The following MYT1L variants were observed in gnomAD, a reference collection of about 807,000 sequenced individuals.
The protein encoded by MYT1L is myelin transcription factor 1-like protein.
In MYT1L, 12 loss-of-function variants were observed where a neutral mutation model predicts 126.7. The observed-to-expected ratio is 0.09, with a 90% CI of 0.06 to 0.15. The LOEUF (loss-of-function observed/expected upper bound fraction) is 0.15. Among genes scored for constraint, MYT1L ranks in the 10% least tolerant of loss-of-function variants. The pLI, the probability that MYT1L is intolerant of heterozygous loss-of-function variation, is 1.00. For missense variants in MYT1L, 979 were observed against 1,585.2 expected (o/e 0.62, Z 6.49); for synonymous variants, 541 against 604.2 (o/e 0.90, Z 1.53).
chr2:2,220,532 G>T (rs980038649), intron 2 of MYT1L, among the ~76,000 whole-genome samples: 1 of 152,076 alleles, frequency 6.6e-6, no homozygotes, highest in African/African-American at 2.4e-5. Flanking sequence ...CCTTTAAAAA[G>T]GTGCTAGACT....
chr2:1,839,325 C>T lies in MYT1L; in HGVS notation c.2904G>A (p.Lys968=), dbSNP rs760284404. 1 of 1,613,512 alleles carries T rather than the reference C, an allele frequency of 6.2e-7. No homozygotes were observed. Among genetic ancestry groups the T allele is most frequent in the South Asian group, 1.1e-5 (1 of 91,084 alleles). ...CGGAGGCGCTGCGATGGGACGCGTA[C>T]TTCCCAGTGATGTGGCCCTGGCCGT... ...GCDGQGHITG[K]YASHRSASGC... The change falls in exon 21 of 25, where the codon AAG becomes AAA. Residue 968 remains lysine (K), a synonymous_variant. Coordinates refer to ENST00000647738, the MANE Select transcript of MYT1L (RefSeq NM_001303052.2).
intron 2 of MYT1L, among the ~76,000 whole-genome samples, chr2:2,176,489 T>G (rs1176628977): frequency 6.6e-6 from 1 of 151,802 alleles, no homozygotes; most frequent in Non-Finnish European, 1.5e-5. Context: ...ATATCAATAT[T>G]TAGGACATAA....
At chr2:2,178,972 C>T (rs190920782) in intron 2 of MYT1L, among the ~76,000 whole-genome samples, 3 of 152,272 alleles carry the variant, frequency 2.0e-5, no homozygotes, top group Non-Finnish European at 4.4e-5. Flanking sequence ...CGGGAGAAGA[C>T]GTTTCCATGG....
intron 21 of MYT1L, among the ~76,000 whole-genome samples, chr2:1,824,000 C>G (rs1186020397): frequency 2.6e-5 from 2 of 76,970 alleles, no homozygotes; most frequent in Non-Finnish European, 4.8e-5. Context: ...GCCGCGCCTC[C>G]CCCCCCAGCG....
At chr2:2,097,831 C>G (rs368327758) in intron 3 of MYT1L, among the ~76,000 whole-genome samples, 105 of 152,184 alleles carry the variant, frequency 6.9e-4, no homozygotes, top group African/African-American at 2.2e-3. Flanking sequence ...AAATATGATT[C>G]CCAGGTGGAG....
intron 1 of MYT1L, chr2:2,306,078 CT>C (rs1486001979): frequency 6.6e-6 from 1 of 152,210 alleles, no homozygotes; most frequent in African/African-American, 2.4e-5. Context: ...TCAAAGGCTT[CT>C]TTCTTTGCCA....
At chr2:1,888,383 T>C (rs2048411257) in intron 16 of MYT1L, among the ~76,000 whole-genome samples, 1 of 152,244 alleles carries the variant, frequency 6.6e-6, no homozygotes, top group African/African-American at 2.4e-5. Context: ...TTTTTCACAA[T>C]GCCTGGATAT....
chr2:1,813,421 C>T (rs1462720756), intron 21 of MYT1L, among the ~76,000 whole-genome samples: 2 of 152,162 alleles, frequency 1.3e-5, no homozygotes, highest in Non-Finnish European at 2.9e-5. Flanking sequence ...CCCAGGAGAG[C>T]TTCCAGCAGC....
At chr2:1,921,165 C>T in intron 10 of MYT1L, among the ~76,000 whole-genome samples, 1 of 152,166 alleles carries the variant, frequency 6.6e-6, no homozygotes, top group African/African-American at 2.4e-5. Flanking sequence ...AGTGAGGAAA[C>T]TCAGGATTCG....
At chr2:1,913,512 G>A (rs1266901223) in intron 11 of MYT1L, among the ~76,000 whole-genome samples, 2 of 152,164 alleles carry the variant, frequency 1.3e-5, no homozygotes, top group African/African-American at 4.8e-5. Context: ...TCTCCAGGAA[G>A]CATGTGCGTG....
chr2:1,924,301 C>A (rs1310918528), intron 9 of MYT1L, among the ~76,000 whole-genome samples: 1 of 152,146 alleles, frequency 6.6e-6, no homozygotes, highest in Non-Finnish European at 1.5e-5. Context: ...TCATTGCTTC[C>A]ATGTACATTG....
chr2:2,038,691 GT>G (rs1443746811), intron 4 of MYT1L, among the ~76,000 whole-genome samples: 2 of 151,888 alleles, frequency 1.3e-5, no homozygotes, highest in African/African-American at 4.8e-5. Context: ...GTGGGTTCCA[GT>G]ACACTCTGGA....
intron 18 of MYT1L, among the ~76,000 whole-genome samples, chr2:1,880,345 T>G (rs779351524): frequency 2.6e-5 from 4 of 152,148 alleles, no homozygotes; most frequent in Non-Finnish European, 5.9e-5. Context: ...CTCTTTTTAT[T>G]TTTACTTTTC....
At chr2:2,211,811 A>AAAACAAACAAACAAACAAAC (rs2093522145) in intron 2 of MYT1L, among the ~76,000 whole-genome samples, 3 of 148,428 alleles carry the variant, frequency 2.0e-5, no homozygotes, top group African/African-American at 7.5e-5. Flanking sequence ...GTCAAAAAAA[A>AAAACAAACAAACAAACAAAC]AAAAAAAAAA....
Position 1,811,097 on chromosome 2 carries a change from C to T in MYT1L, c.3081-1930G>A, listed in dbSNP as rs1277711738. The T allele has an allele frequency of 1.3e-5, 2 of 152,134 alleles. No homozygotes were observed. Among genetic ancestry groups the T allele is most frequent in the Non-Finnish European group, 2.9e-5 (2 of 68,042 alleles). The allele number at this position is 152,134 out of a possible 1,614,324, so 9.4% of individuals were successfully genotyped here. Reference sequence around the variant, plus strand: ...AGAGTGAGAAGGCGTCGTCCACCAACCAGAGAGCAGCAGTTGCCAGATGCC... The same window carrying T: ...AGAGTGAGAAGGCGTCGTCCACCAATCAGAGAGCAGCAGTTGCCAGATGCC... On this transcript the variant is annotated intron_variant, in intron 21 of 24. Coordinates refer to ENST00000647738, the MANE Select transcript of MYT1L (RefSeq NM_001303052.2). The surrounding 1 kb of genome is among the most constrained non-coding windows in gnomAD (Gnocchi z 4.4).
chr2:2,251,896 GAAAGAAAGAAAAGAA>G (rs1445015840), intron 2 of MYT1L, among the ~76,000 whole-genome samples: 1 of 146,994 alleles, frequency 6.8e-6, no homozygotes, highest in Non-Finnish European at 1.5e-5. Context: ...AGAACGAAAA[GAAAGAAAGAAAAGAA>G]AAAGAAAGAA....
At chr2:2,162,598 T>C (rs1054280273) in intron 3 of MYT1L, among the ~76,000 whole-genome samples, 1 of 152,204 alleles carries the variant, frequency 6.6e-6, no homozygotes, top group Admixed American at 6.5e-5. Flanking sequence ...AAGGGAACAC[T>C]GTGGCCTGGC....
At chr2:1,967,091 A>T (rs1445962341) in intron 8 of MYT1L, among the ~76,000 whole-genome samples, 4 of 152,206 alleles carry the variant, frequency 2.6e-5, no homozygotes, top group Non-Finnish European at 5.9e-5. Flanking sequence ...AGATACTAAT[A>T]ACAGGCTGTC....
At chr2:1,834,844 A>G (rs556569626) in intron 21 of MYT1L, among the ~76,000 whole-genome samples, 13 of 151,256 alleles carry the variant, frequency 8.6e-5, no homozygotes, top group South Asian at 8.4e-4. Flanking sequence ...GTACTCCTCC[A>G]CATACCACGG....
Sources: gnomAD v4.1 joint callset for allele counts (sites outside exome capture counted in the v4.1 genomes callset) on GRCh38, gnomAD v4.1.1 for gene constraint, Gnocchi (gnomAD v3.1) non-coding constraint, MANE v1.5 for transcripts, NCBI Gene and HGNC (gene_info 2026-07-23, HGNC 2026-07-21) for gene names.